Variants in NBEAL1 observed in about 807,000 individuals in gnomAD.
NBEAL1 encodes neurobeachin like 1, also known as neurobeachin-like protein 1.
In NBEAL1, 273 loss-of-function variants were observed where a neutral mutation model predicts 351.3. The ratio of observed to expected loss-of-function variants is 0.78; its 90% CI spans 0.70 to 0.86. NBEAL1 has a LOEUF of 0.86. Ranked by LOEUF, NBEAL1 falls within the 40% of genes least tolerant of loss-of-function variation. The pLI, the probability that NBEAL1 is intolerant of heterozygous loss-of-function variation, is 0.00. For missense variants in NBEAL1, 2,961 were observed against 3,201.3 expected (o/e 0.92, Z 1.81); for synonymous variants, 1,050 against 1,086.4 (o/e 0.97, Z 0.66).
chr2:203,207,273 G>T (rs1027719984), intron 51 of NBEAL1, among the ~76,000 whole-genome samples: 2 of 150,568 alleles, frequency 1.3e-5, no homozygotes, highest in Non-Finnish European at 3.0e-5. Flanking sequence ...CAGCCACCCC[G>T]TCCAGGAGGG....
chr2:203,094,552 C>A (rs1435292583), intron 10 of NBEAL1, among the ~76,000 whole-genome samples: 1 of 152,104 alleles, frequency 6.6e-6, no homozygotes, highest in Non-Finnish European at 1.5e-5. Flanking sequence ...CTTAAGCTGG[C>A]GGCTGCTGTT....
In NBEAL1 at chr2:203,167,265, C is replaced by G; in HGVS notation, c.5902C>G (p.Arg1968Gly). The change falls in exon 38 of 56, where the codon CGA (arginine) becomes GGA (glycine). Residue 1968 changes from arginine to glycine, a missense_variant. Transcript: ENST00000683969. ...FDFKWPHSQIREIHLRRYNLR... is the reference protein window; with the variant it reads ...FDFKWPHSQIGEIHLRRYNLR... Reference sequence around the variant, plus strand: ...TTTCAAGTGGCCTCATTCTCAAATTCGAGAGATTCATCTCCGGCGTTACAA... The same window carrying G: ...TTTCAAGTGGCCTCATTCTCAAATTGGAGAGATTCATCTCCGGCGTTACAA... 4 of 1,611,220 alleles carry G rather than the reference C, an allele frequency of 2.5e-6. No homozygotes were observed. The highest frequency in any genetic ancestry group is 3.4e-6 in the Non-Finnish European group (4 of 1,178,768).
At chr2:203,042,079 G>A (rs541236382) in intron 3 of NBEAL1, among the ~76,000 whole-genome samples, 1 of 152,260 alleles carries the variant, frequency 6.6e-6, no homozygotes, top group South Asian at 2.1e-4. Context: ...CTACCAGCTG[G>A]TGTTCTGCAA....
chr2:203,092,951 C>T (rs1227708819), intron 10 of NBEAL1, among the ~76,000 whole-genome samples: 2 of 151,976 alleles, frequency 1.3e-5, no homozygotes, highest in Non-Finnish European at 2.9e-5. Flanking sequence ...TCTGCTAATC[C>T]GCTGGATGCG....
intron 18 of NBEAL1, among the ~76,000 whole-genome samples, chr2:203,117,895 C>T (rs2062736544): frequency 6.6e-6 from 1 of 151,224 alleles, no homozygotes; most frequent in Non-Finnish European, 1.5e-5. Context: ...TACTCTGTTG[C>T]CCAGGCTAGT....
chr2:203,110,674 A>AAAATAAATAAATAAATAAAT (rs67437997), intron 15 of NBEAL1, among the ~76,000 whole-genome samples: 35 of 130,886 alleles, frequency 2.7e-4, no homozygotes, highest in East Asian at 1.1e-3. Context: ...ATCCTGTCTC[A>AAAATAAATAAATAAATAAAT]AAATAAATAA....
chr2:203,158,190 A>G (rs961539572), intron 36 of NBEAL1, among the ~76,000 whole-genome samples: 4 of 152,214 alleles, frequency 2.6e-5, no homozygotes, highest in Non-Finnish European at 5.9e-5. Context: ...AAAGAGAAAA[A>G]CAAAAAGAAA....
intron 2 of NBEAL1, among the ~76,000 whole-genome samples, chr2:203,022,030 G>A (rs1358740513): frequency 2.0e-5 from 3 of 149,476 alleles, no homozygotes; most frequent in East Asian, 2.0e-4. Context: ...TAGCCTGGGC[G>A]ACAGAGCAAG....
intron 33 of NBEAL1, 37 bp downstream of exon 33, chr2:203,145,197 T>C (rs1377294600): frequency 1.9e-6 from 3 of 1,571,742 alleles, no homozygotes; most frequent in Admixed American, 3.8e-5. Context: ...GTTTTTCTTG[T>C]TGATTTTAGG....
intron 20 of NBEAL1, 79 bp downstream of exon 20, chr2:203,125,599 G>T: frequency 1.6e-6 from 2 of 1,247,358 alleles, no homozygotes; most frequent in Non-Finnish European, 2.1e-6. Context: ...ATGTTTTACT[G>T]TCATTAGGAA....
At chr2:203,174,706 C>T (rs1164876299) in intron 41 of NBEAL1, among the ~76,000 whole-genome samples, 3 of 151,892 alleles carry the variant, frequency 2.0e-5, no homozygotes, top group Non-Finnish European at 4.4e-5. Context: ...TCCTGGCTAA[C>T]ATGGTGAAAC....
At chr2:203,111,921 T>C in intron 15 of NBEAL1, 58 bp from the exon 16 acceptor site, 2 of 1,506,788 alleles carry the variant, frequency 1.3e-6, no homozygotes, top group Non-Finnish European at 1.8e-6. Flanking sequence ...TGAAAGCATT[T>C]GTCATTCCAA....
intron 44 of NBEAL1, among the ~76,000 whole-genome samples, chr2:203,184,074 T>TAAAAA (rs1170251389): frequency 1.1e-5 from 1 of 88,008 alleles, no homozygotes; most frequent in Admixed American, 1.4e-4. Flanking sequence ...CGAGACTGTC[T>TAAAAA]AAAAAAAAAA....
chr2:203,058,500 A>G (rs1188668086), intron 6 of NBEAL1, among the ~76,000 whole-genome samples: 1 of 152,230 alleles, frequency 6.6e-6, no homozygotes, highest in East Asian at 1.9e-4. Flanking sequence ...ACTTTTGGAG[A>G]AGAGGCCCTA....
At chr2:203,195,389 G>A (rs1490361350) in intron 47 of NBEAL1, among the ~76,000 whole-genome samples, 1 of 152,106 alleles carries the variant, frequency 6.6e-6, no homozygotes, top group East Asian at 1.9e-4. Flanking sequence ...TACTGAAATA[G>A]TTATTTAGTG....
chr2:203,173,544 T>C (rs867342045), intron 41 of NBEAL1, among the ~76,000 whole-genome samples: 1 of 152,140 alleles, frequency 6.6e-6, no homozygotes. Context: ...ACTTTTTTTT[T>C]CTACTTTTTC....
chr2:203,180,519 AAT>A lies in NBEAL1; in HGVS notation c.6595+9_6595+10del. On this transcript the variant is annotated splice_region_variant and intron_variant, in intron 43 of 55. Coordinates refer to ENST00000683969, the MANE Select transcript of NBEAL1 (RefSeq NM_001378026.1). ...TTTTTGGAAAATCAAAATCGTAAGAAATAGAGGATTAAAAATTTGACTAGCAG... is the reference window on the plus strand; with the variant it reads ...TTTTTGGAAAATCAAAATCGTAAGAAAGAGGATTAAAAATTTGACTAGCAG... 4 of 1,599,424 alleles carry A rather than the reference AAT, an allele frequency of 2.5e-6. No individual in the cohort carries two copies. Among genetic ancestry groups the A allele is most frequent in the Non-Finnish European group, 3.4e-6 (4 of 1,174,686 alleles).
intron 27 of NBEAL1, 74 bp from the exon 28 acceptor site, chr2:203,135,603 A>C (rs2063181986): frequency 2.2e-6 from 2 of 891,588 alleles, no homozygotes; most frequent in Admixed American, 3.2e-5. Context: ...TCATTAAAAT[A>C]ACTGAAAATA....
At chr2:203,131,884 T>TA in intron 25 of NBEAL1, 89 bp from the exon 26 acceptor site, 2 of 886,904 alleles carry the variant, frequency 2.3e-6, no homozygotes, top group Non-Finnish European at 3.3e-6. Context: ...AACATTAATA[T>TA]TTAATGTTAA....
Sources: gnomAD v4.1 joint callset for allele counts (sites outside exome capture counted in the v4.1 genomes callset) on GRCh38, gnomAD v4.1.1 for gene constraint, MANE v1.5 for transcripts, NCBI Gene and HGNC (gene_info 2026-07-23, HGNC 2026-07-21) for gene names.